PUS10: variants seen among roughly 807,000 people sequenced by gnomAD.
PUS10 encodes tRNA pseudouridine synthase Pus10.
Under a neutral mutation model 75.0 loss-of-function variants are expected in PUS10, and 59 were observed. The ratio of observed to expected loss-of-function variants is 0.79; its 90% CI spans 0.64 to 0.98. PUS10 has a LOEUF of 0.98. Among genes scored for constraint, PUS10 ranks in the 50% least tolerant of loss-of-function variants. PUS10 has a pLI of 0.00. For missense variants in PUS10, 650 were observed against 614.4 expected, an observed-to-expected ratio of 1.06 and a Z score of -0.61; for synonymous variants, 219 against 211.6, an observed-to-expected ratio of 1.03 and a Z score of -0.30.
At chr2:61,015,834 A>C (rs1679941188) in intron 1 of PUS10, among the ~76,000 whole-genome samples, 1 of 152,214 alleles carries the variant, frequency 6.6e-6, no homozygotes, top group African/African-American at 2.4e-5. Context: ...GGCGAATATA[A>C]GCATTTACAG....
At chr2:60,961,356 T>G (rs986574162) in intron 10 of PUS10, 107 bp downstream of exon 10, 10 of 856,788 alleles carry the variant, frequency 1.2e-5, no homozygotes, top group Non-Finnish European at 1.9e-5. Context: ...GTAAACTTAT[T>G]AGAATCTAAT....
intron 11 of PUS10, 105 bp downstream of exon 11, chr2:60,960,287 T>G (rs1675940444): frequency 4.7e-6 from 4 of 847,092 alleles, no homozygotes; most frequent in Admixed American, 3.7e-5. Flanking sequence ...AAGGCTGCCA[T>G]AAGCTGTGAT....
chr2:60,973,982 G>C (rs1255952014), intron 4 of PUS10, among the ~76,000 whole-genome samples: 1 of 152,164 alleles, frequency 6.6e-6, no homozygotes, highest in African/African-American at 2.4e-5. Context: ...TGCCTGCAGA[G>C]AGGAGCTTTC....
At chr2:60,971,179 CA>C (rs1458803477) in intron 5 of PUS10, among the ~76,000 whole-genome samples, 527 of 127,566 alleles carry the variant, frequency 4.1e-3, no homozygotes, top group African/African-American at 0.012. Flanking sequence ...GACTCCACCT[CA>C]AAAAAAAAAA....
At chr2:60,945,332 A>T (rs1192897205) in intron 16 of PUS10, among the ~76,000 whole-genome samples, 2 of 152,224 alleles carry the variant, frequency 1.3e-5, no homozygotes, top group African/African-American at 2.4e-5. Context: ...ACTTACCAAA[A>T]ATCATTACTT....
chr2:60,961,378 G>A, intron 10 of PUS10, 85 bp downstream of exon 10: 1 of 966,792 alleles, frequency 1.0e-6, no homozygotes, highest in East Asian at 2.4e-5. Context: ...ACAACAATAA[G>A]AATAAAATAG....
chr2:60,979,387 G>T (rs972958449), intron 4 of PUS10, among the ~76,000 whole-genome samples: 1 of 152,182 alleles, frequency 6.6e-6, no homozygotes, highest in Non-Finnish European at 1.5e-5. Flanking sequence ...GGTTGTGGCA[G>T]CATGCTATAA....
intron 15 of PUS10, among the ~76,000 whole-genome samples, chr2:60,951,604 A>C (rs1273427467): frequency 6.6e-6 from 1 of 152,112 alleles, no homozygotes; most frequent in African/African-American, 2.4e-5. Flanking sequence ...TAATGCCACC[A>C]CTGAGGGAAC....
At chr2:60,984,615 C>A (rs1019380923) in intron 4 of PUS10, among the ~76,000 whole-genome samples, 2 of 152,128 alleles carry the variant, frequency 1.3e-5, no homozygotes, top group African/African-American at 4.8e-5. Context: ...ATGTTCATTG[C>A]AAATTCCATT....
chr2:60,943,036 GAAA>G (rs1163561504), intron 17 of PUS10, among the ~76,000 whole-genome samples: 8 of 78,420 alleles, frequency 1.0e-4, no homozygotes, highest in Middle Eastern at 5.6e-3. Flanking sequence ...ATCTATCTCA[GAAA>G]AAAAAAAAAA....
intron 4 of PUS10, among the ~76,000 whole-genome samples, chr2:61,004,671 A>G (rs1679089747): frequency 6.6e-6 from 1 of 151,704 alleles, no homozygotes; most frequent in Non-Finnish European, 1.5e-5. Context: ...ACATAAAAAC[A>G]GCAAATCACG....
intron 1 of PUS10, among the ~76,000 whole-genome samples, chr2:61,016,054 G>C (rs1003760754): frequency 3.9e-5 from 6 of 152,124 alleles, no homozygotes; most frequent in African/African-American, 1.4e-4. Context: ...TACTTAAATA[G>C]CTATATTAAA....
intron 4 of PUS10, among the ~76,000 whole-genome samples, chr2:61,004,485 C>G (rs1186550388): frequency 6.6e-6 from 1 of 151,844 alleles, no homozygotes; most frequent in African/African-American, 2.4e-5. Context: ...AAAAATTAGC[C>G]GGGCATGGTG....
Position 60,967,541 on chromosome 2 carries a change from G to A in PUS10, c.576C>T (p.Pro192=). ...GAACACCCAGTTCCTCTGAAAACAGGGGGTGAGTTATCCATTTGTAGGCTT... is the reference window on the plus strand; with the variant it reads ...GAACACCCAGTTCCTCTGAAAACAGAGGGTGAGTTATCCATTTGTAGGCTT... ...LKEAYKWITH[P]LFSEELGVPI... is the part of the protein sequence containing the mutation. The change falls in exon 6 of 18, where the codon CCC becomes CCT. Residue 192 remains proline (P), a synonymous_variant. Transcript: ENST00000316752. The A allele has an allele frequency of 6.2e-7, 1 of 1,609,062 alleles. No individual in the cohort carries two copies. Among genetic ancestry groups the A allele is most frequent in the Non-Finnish European group, 8.5e-7 (1 of 1,177,390 alleles).
At chr2:60,989,060 A>G (rs1166174127) in intron 4 of PUS10, among the ~76,000 whole-genome samples, 1 of 152,188 alleles carries the variant, frequency 6.6e-6, no homozygotes, top group Non-Finnish European at 1.5e-5. Context: ...TGAAAGCTAG[A>G]AAGCAGATTG....
At chr2:60,975,229 C>G (rs528840015) in intron 4 of PUS10, among the ~76,000 whole-genome samples, 7 of 152,216 alleles carry the variant, frequency 4.6e-5, no homozygotes, top group Admixed American at 3.9e-4. Flanking sequence ...TCACTGCAAC[C>G]TCCACCTCCT....
Position 60,948,125 on chromosome 2 carries a change from G to A in PUS10, c.1369C>T (p.Arg457Ter), listed in dbSNP as rs371157664. The A allele has an allele frequency of 2.5e-6, 4 of 1,613,960 alleles. No homozygotes were observed. Among genetic ancestry groups the A allele is most frequent in the Non-Finnish European group, 3.4e-6 (4 of 1,180,010 alleles). ...RVLHRRPLAV[R>*]ARVIHFMETQ... ...TCCATGAAGTGAATGACGCGAGCTC[G>A]CACAGCCAGGGGCCTTCGGTGAAGG... Residue 457 changes from arginine (R) to a stop codon, truncating the protein, a stop_gained, in exon 16 of 18, where the codon CGA becomes TGA. Transcript: ENST00000316752. LOFTEE classifies it high-confidence loss of function.
intron 4 of PUS10, among the ~76,000 whole-genome samples, chr2:60,986,136 A>G: frequency 6.6e-6 from 1 of 152,210 alleles, no homozygotes; most frequent in Middle Eastern, 3.4e-3. Flanking sequence ...CAATGCTTTA[A>G]ATGTTTTAAA....
chr2:61,011,928 T>C, intron 1 of PUS10, 23 bp from the exon 2 acceptor site: 2 of 1,567,446 alleles, frequency 1.3e-6, no homozygotes, highest in Non-Finnish European at 8.6e-7. Flanking sequence ...GAAGTAAAAC[T>C]AATGAGCAGC....
Sources: allele counts gnomAD v4.1 joint callset (sites outside exome capture counted in the v4.1 genomes callset), GRCh38; gene constraint gnomAD v4.1.1; transcripts MANE v1.5; gene names NCBI Gene and HGNC (gene_info 2026-07-23, HGNC 2026-07-21).